The following NDRG1 variants were observed in gnomAD, a reference collection of about 807,000 sequenced individuals.
The protein encoded by NDRG1 is N-myc downstream regulated 1.
In NDRG1, 32 loss-of-function variants were observed where a neutral mutation model predicts 56.9. That is an observed-to-expected ratio of 0.56 (90% CI 0.42 to 0.76). The LOEUF is 0.76. NDRG1 is among the 30% of genes least tolerant of loss of function. The pLI is 0.00. For missense variants in NDRG1, 507 were observed against 545.7 expected (o/e 0.93, Z 0.71); for synonymous variants, 211 against 204.1 (o/e 1.03, Z -0.29).
At chr8:133,252,816 A>T (rs1022799761) in intron 9 of NDRG1, among the ~76,000 whole-genome samples, 1 of 149,522 alleles carries the variant, frequency 6.7e-6, no homozygotes, top group Non-Finnish European at 1.5e-5. Context: ...CGCCAACTCC[A>T]GAGTGGGGAC....
intron 3 of NDRG1, among the ~76,000 whole-genome samples, chr8:133,275,785 C>A (rs1475207263): frequency 6.6e-6 from 1 of 152,192 alleles, no homozygotes. Context: ...CGATCTCAGG[C>A]AAGTTCCCTA....
chr8:133,243,631 T>C (rs1224918524), intron 14 of NDRG1, among the ~76,000 whole-genome samples: 1 of 152,152 alleles, frequency 6.6e-6, no homozygotes, highest in Non-Finnish European at 1.5e-5. Flanking sequence ...ATTCTTTTAA[T>C]TATGACCAGG....
chr8:133,275,207 G>A (rs1249315636), intron 3 of NDRG1, among the ~76,000 whole-genome samples: 1 of 152,202 alleles, frequency 6.6e-6, no homozygotes, highest in Non-Finnish European at 1.5e-5. Flanking sequence ...GGAGACTGCT[G>A]AAAATCTGGG....
chr8:133,280,586 G>GTTATTT (rs771518438), intron 2 of NDRG1, among the ~76,000 whole-genome samples: 1 of 151,978 alleles, frequency 6.6e-6, no homozygotes, highest in Non-Finnish European at 1.5e-5. Flanking sequence ...ACCACGCCCA[G>GTTATTT]TTATTTTTAT....
chr8:133,281,570 C>T (rs1366622433), intron 2 of NDRG1, among the ~76,000 whole-genome samples: 1 of 141,066 alleles, frequency 7.1e-6, no homozygotes, highest in African/African-American at 2.6e-5. Flanking sequence ...AGATGGAGTC[C>T]CAACACTGTG....
intron 1 of NDRG1, among the ~76,000 whole-genome samples, chr8:133,293,625 G>C (rs1858556740): frequency 6.6e-6 from 1 of 152,212 alleles, no homozygotes. Flanking sequence ...GTGGACACAG[G>C]GTGGCCTGAA....
intron 9 of NDRG1, among the ~76,000 whole-genome samples, chr8:133,251,227 C>T (rs1856019841): frequency 6.6e-6 from 1 of 152,178 alleles, no homozygotes; most frequent in African/African-American, 2.4e-5. Context: ...AACTTGTTTG[C>T]TCTGTTTCTC....
At chr8:133,291,493 GGC>G (rs1457232248) in intron 1 of NDRG1, among the ~76,000 whole-genome samples, 2 of 152,068 alleles carry the variant, frequency 1.3e-5, no homozygotes, top group Non-Finnish European at 2.9e-5. Flanking sequence ...GGTGTTTTCT[GGC>G]CCTTCTGAAA....
At chr8:133,262,352 G>C (rs1856703240) in intron 4 of NDRG1, 185 bp from the exon 5 acceptor site, 1 of 672,960 alleles carries the variant, frequency 1.5e-6, no homozygotes, top group African/African-American at 1.8e-5. Flanking sequence ...TTCCTCTGCT[G>C]ATAAAAAGCA....
intron 15 of NDRG1, chr8:133,241,176 G>A (rs1038624881): frequency 4.6e-5 from 7 of 152,272 alleles, no homozygotes; most frequent in African/African-American, 1.4e-4. Flanking sequence ...GAGGACACAC[G>A]AATTATAGTT....
At chr8:133,247,808 T>C in intron 12 of NDRG1, 67 bp downstream of exon 12, 3 of 1,563,254 alleles carry the variant, frequency 1.9e-6, no homozygotes, top group Non-Finnish European at 2.6e-6. Context: ...GCAGGGCCAC[T>C]TCAACAAAGT....
intron 1 of NDRG1, among the ~76,000 whole-genome samples, chr8:133,290,474 A>T (rs1295165633): frequency 1.3e-5 from 2 of 152,184 alleles, no homozygotes; most frequent in Non-Finnish European, 2.9e-5. Context: ...AGAGGTTAAG[A>T]TGTGTGCCCC....
intron 3 of NDRG1, among the ~76,000 whole-genome samples, chr8:133,270,753 T>G (rs948653030): frequency 1.2e-4 from 19 of 152,138 alleles, no homozygotes; most frequent in Non-Finnish European, 2.5e-4. Flanking sequence ...CTTTCTAGGT[T>G]GGTGAGAATA....
intron 3 of NDRG1, among the ~76,000 whole-genome samples, chr8:133,268,110 C>A (rs1857007906): frequency 6.6e-6 from 1 of 152,174 alleles, no homozygotes; most frequent in Non-Finnish European, 1.5e-5. Flanking sequence ...CTAGGTCTCA[C>A]TCACTTTCTG....
chr8:133,286,513 T>C (rs1256397463), intron 1 of NDRG1, among the ~76,000 whole-genome samples: 1 of 152,206 alleles, frequency 6.6e-6, no homozygotes, highest in African/African-American at 2.4e-5. Context: ...TTTTTATTCC[T>C]ACAGCTTAGC....
chr8:133,241,542 C>T (rs1477635835), intron 15 of NDRG1: 1 of 207,630 alleles, frequency 4.8e-6, no homozygotes, highest in African/African-American at 2.3e-5. Context: ...CTGCTTACAA[C>T]CCCGAAGCCT....
intron 4 of NDRG1, among the ~76,000 whole-genome samples, chr8:133,263,031 G>A (rs150719413): frequency 4.9e-4 from 74 of 152,358 alleles, no homozygotes; most frequent in Non-Finnish European, 9.3e-4. Flanking sequence ...TTAAGCCACA[G>A]AGGGCTTGGC....
At chr8:133,258,212 G>A (rs1180957706) in intron 7 of NDRG1, among the ~76,000 whole-genome samples, 154 bp downstream of exon 7, 1 of 150,274 alleles carries the variant, frequency 6.7e-6, no homozygotes. Flanking sequence ...ATATATATAC[G>A]AGTACCCATG....
rs182832446 is a variant in NDRG1, at chr8:133,241,488, C to G, written c.943+535G>C. The G allele has an allele frequency of 1.6e-3, 279 of 177,530 alleles. 2 individuals are homozygous for G. The highest frequency in any genetic ancestry group is 5.4e-4 in the Non-Finnish European group (44 of 82,072). 11.0% of individuals were successfully genotyped at this position (177,530 alleles called of 1,614,324 possible). On this transcript the variant is annotated intron_variant, in intron 15 of 15. Transcript: ENST00000323851. ...AACTTTGTTAGCCACTTCCACAGAG[C>G]TTCACAGTCTTCAAAGAATTTCCAC...
Sources: gnomAD v4.1 joint callset for allele counts (sites outside exome capture counted in the v4.1 genomes callset) on GRCh38, gnomAD v4.1.1 for gene constraint, MANE v1.5 for transcripts, NCBI Gene and HGNC (gene_info 2026-07-23, HGNC 2026-07-21) for gene names.